The following SDHAF4 variants were observed in gnomAD, a reference collection of about 807,000 sequenced individuals.
The protein encoded by SDHAF4 is succinate dehydrogenase assembly factor 4, mitochondrial.
Under a neutral mutation model 14.3 loss-of-function variants are expected in SDHAF4, and 14 were observed. The ratio of observed to expected loss-of-function variants is 0.98; its 90% CI spans 0.65 to 1.53. SDHAF4 has a LOEUF of 1.53. SDHAF4 is among the 40% of genes most tolerant of loss of function. SDHAF4 has a pLI of 0.00. For synonymous variants in SDHAF4, 63 were observed against 47.3 expected, an observed-to-expected ratio of 1.33 and a Z score of -1.36; for missense variants, 141 against 129.3, an observed-to-expected ratio of 1.09 and a Z score of -0.44.
chr6:70,567,019 T>C lies in SDHAF4; in HGVS notation c.64+15T>C. On this transcript the variant is annotated intron_variant, in intron 1 of 2. Transcript: ENST00000370474. ...GAGAGCGGCAAGTAAGCACCTGGCC[T>C]CGGGGCCACGGTCGCGGGAGGGGTC... 1 of 1,576,182 alleles carries C rather than the reference T, an allele frequency of 6.3e-7. No homozygotes were observed. The highest frequency in any genetic ancestry group is 8.6e-7 in the Non-Finnish European group (1 of 1,160,950).
intron 1 of SDHAF4, 25 bp from the exon 2 acceptor site, chr6:70,579,389 T>C: frequency 6.9e-7 from 1 of 1,439,388 alleles, no homozygotes; most frequent in Non-Finnish European, 9.2e-7. Context: ...CAGCTCCTAT[T>C]TTTCTATTAT....
chr6:70,590,594 C>G (rs967364466), downstream of SDHAF4, among the ~76,000 whole-genome samples: 1 of 152,206 alleles, frequency 6.6e-6, no homozygotes, highest in African/African-American at 2.4e-5. Flanking sequence ...CCTGGTTTTT[C>G]AGGATCTTAT....
downstream of SDHAF4, among the ~76,000 whole-genome samples, chr6:70,591,352 T>G (rs2128536852): frequency 7.2e-6 from 1 of 138,762 alleles, no homozygotes. Flanking sequence ...TTTTTTTTTT[T>G]TTTTTTTTTT....
intron 1 of SDHAF4, among the ~76,000 whole-genome samples, chr6:70,572,471 A>C (rs1802196225): frequency 6.6e-6 from 1 of 152,190 alleles, no homozygotes; most frequent in Non-Finnish European, 1.5e-5. Context: ...GTTAAGGCAT[A>C]TATTAGCTTG....
At position 70,588,842 on chromosome 6, in the gene SDHAF4, A is replaced by AATATATATAGATATATATATAT; in HGVS notation, c.*127_*128insGATATATATATATATATATATA. On this transcript the variant is annotated 3_prime_UTR_variant, in exon 3 of 3. Transcript: ENST00000370474. The stretch of plus-strand genomic sequence containing the variant: ...TCGTGTAGTTTGTATAATGTGTTTA[A>AATATATATAGATATATATATAT]ATATATATATATATGATGGCTTTGG... 1 of 339,216 alleles carries AATATATATAGATATATATATAT rather than the reference A, an allele frequency of 2.9e-6. No individual in the cohort carries two copies. Among genetic ancestry groups the AATATATATAGATATATATATAT allele is most frequent in the Non-Finnish European group, 5.5e-6 (1 of 181,986 alleles). The allele number at this position is 339,216 out of a possible 1,614,324, so 21.0% of individuals were successfully genotyped here. A position where few individuals can be genotyped will look rare whatever the true frequency, so the allele number is the denominator to read the frequency against.
downstream of SDHAF4, among the ~76,000 whole-genome samples, chr6:70,593,735 C>G (rs1765279031): frequency 6.6e-6 from 1 of 151,884 alleles, no homozygotes; most frequent in African/African-American, 2.4e-5. Context: ...TTCTGTCACT[C>G]TGGCTGGAAT....
intron 1 of SDHAF4, 96 bp downstream of exon 1, chr6:70,567,100 T>C (rs2293297): frequency 0.16 from 203,154 of 1,261,712 alleles, 17,062 homozygotes; most frequent in African/African-American, 0.19. Flanking sequence ...GCGTGTGTCC[T>C]GGCCGTTCGG....
In SDHAF4 at chr6:70,588,662, A is replaced by G. The variant is rs1051851755; in HGVS notation, c.265A>G (p.Arg89Gly). ...NPVTKEKGGP[R>G]GPEPTRYGDW... ...AGTGACCAAAGAAAAAGGTGGACCC[A>G]GGGGCCCAGAACCTACCCGATATGG... The change falls in exon 3 of 3, where the codon AGG becomes GGG. Residue 89 changes from arginine to glycine, a missense_variant. Coordinates refer to ENST00000370474, the MANE Select transcript of SDHAF4 (RefSeq NM_145267.3). 1 of 1,602,714 alleles carries G rather than the reference A, an allele frequency of 6.2e-7. No homozygotes were observed. Among genetic ancestry groups the G allele is most frequent in the Non-Finnish European group, 8.5e-7 (1 of 1,172,544 alleles).
At chr6:70,581,541 G>A (rs1416031177) in intron 2 of SDHAF4, among the ~76,000 whole-genome samples, 2 of 152,104 alleles carry the variant, frequency 1.3e-5, no homozygotes, top group Non-Finnish European at 2.9e-5. Context: ...GAAATCTCCT[G>A]CCTTGATTTC....
rs1405442472 is a variant in SDHAF4, at chr6:70,567,284, A to G, written c.64+280A>G. The G allele has an allele frequency of 6.0e-5, 29 of 486,416 alleles. No individual in the cohort carries two copies. In the East Asian group the frequency reaches 8.8e-4, roughly 15 times the overall value. The allele number at this position is 486,416 out of a possible 1,614,324, so 30.1% of individuals were successfully genotyped here. A position where few individuals can be genotyped will look rare whatever the true frequency, so the allele number is the denominator to read the frequency against. On this transcript the variant is annotated intron_variant, in intron 1 of 2. Coordinates refer to ENST00000370474, the MANE Select transcript of SDHAF4 (RefSeq NM_145267.3). The stretch of plus-strand genomic sequence containing the variant: ...CACGCGGTGGCCCAACAGGACCACA[A>G]ACGTTCCGGGTTGTTCCTGTGGGAG...
Position 70,566,976 on chromosome 6 carries a change from G to T in SDHAF4, c.36G>T (p.Trp12Cys). Residue 12 changes from tryptophan (W) to cysteine (C), a missense_variant, in exon 1 of 3, where the codon TGG becomes TGT. By Grantham distance (215) the Trp-to-Cys change is radical (BLOSUM62 -2). Coordinates refer to ENST00000370474, the MANE Select transcript of SDHAF4 (RefSeq NM_145267.3). ...TPSRLPWLLS[W>C]VSATAWRAAR... is the part of the protein sequence containing the mutation. ...CGAGGCTTCCCTGGTTGCTTAGCTGGGTCTCGGCCACGGCGTGGAGAGCGG... is the reference window on the plus strand; with the variant it reads ...CGAGGCTTCCCTGGTTGCTTAGCTGTGTCTCGGCCACGGCGTGGAGAGCGG... The T allele has an allele frequency of 1.3e-6, 2 of 1,593,058 alleles. No homozygotes were observed. The highest frequency in any genetic ancestry group is 1.7e-6 in the Non-Finnish European group (2 of 1,170,102).
the SDHAF4 span, among the ~76,000 whole-genome samples, chr6:70,596,008 A>C: frequency 2.0e-5 from 3 of 152,368 alleles, no homozygotes; most frequent in South Asian, 6.2e-4. Flanking sequence ...GTATTAAGAT[A>C]ACTCTTAACC....
At chr6:70,579,312 A>G in intron 1 of SDHAF4, 102 bp from the exon 2 acceptor site, 1 of 963,812 alleles carries the variant, frequency 1.0e-6, no homozygotes, top group Admixed American at 3.6e-5. Context: ...AACTTTGAGA[A>G]ATGTGAATGT....
chr6:70,595,814 C>T, the SDHAF4 span, among the ~76,000 whole-genome samples: 1 of 132,662 alleles, frequency 7.5e-6, no homozygotes, highest in Admixed American at 8.6e-5. Flanking sequence ...CCAACCTGGG[C>T]GACAGAACAA....
Position 70,582,116 on chromosome 6 carries a change from G to T in SDHAF4, c.217+2550G>T, listed in dbSNP as rs200375386. The stretch of plus-strand genomic sequence containing the variant: ...AGGCAGAGTCTCACTCTGTCACCCA[G>T]GCTGAAGTGCAGTGGCGCCATCACA... On this transcript the variant is annotated intron_variant, in intron 2 of 2. Transcript: ENST00000370474. 3.4e-4 allele frequency among the ~76,000 whole-genome samples: 52 copies of T among 152,224 alleles called. 2 individuals carry two copies. In the East Asian group the frequency reaches 5.4e-3, roughly 16 times the overall value.
chr6:70,590,035 C>T (rs563989066), downstream of SDHAF4, among the ~76,000 whole-genome samples: 65 of 152,190 alleles, frequency 4.3e-4, no homozygotes, highest in African/African-American at 1.5e-3. Flanking sequence ...GTCAGGAGTT[C>T]GAGACCAGCC....
chr6:70,569,399 G>C (rs1297922584), intron 1 of SDHAF4, among the ~76,000 whole-genome samples: 1 of 152,086 alleles, frequency 6.6e-6, no homozygotes, highest in Non-Finnish European at 1.5e-5. Context: ...CTCCCAAGTA[G>C]CTGGTATTAC....
chr6:70,573,319 A>C (rs958081495), intron 1 of SDHAF4, among the ~76,000 whole-genome samples: 5 of 128,524 alleles, frequency 3.9e-5, no homozygotes, highest in African/African-American at 1.7e-4. Flanking sequence ...GCTGGAGTGC[A>C]GTGGCACAGT....
chr6:70,593,761 T>C (rs1219271704), downstream of SDHAF4, among the ~76,000 whole-genome samples: 4 of 138,812 alleles, frequency 2.9e-5, no homozygotes, highest in Admixed American at 7.1e-5. Flanking sequence ...GGCATGATCC[T>C]GGCTCACTGC....
Sources: allele counts gnomAD v4.1 joint callset (sites outside exome capture counted in the v4.1 genomes callset), GRCh38; gene constraint gnomAD v4.1.1; transcripts MANE v1.5; gene names NCBI Gene and HGNC (gene_info 2026-07-23, HGNC 2026-07-21).